Variants in FHIT observed in about 807,000 individuals in gnomAD.
The protein encoded by FHIT is bis(5'-adenosyl)-triphosphatase.
In FHIT, 19 loss-of-function variants were observed where a neutral mutation model predicts 17.9. The ratio of observed to expected loss-of-function variants is 1.06; its 90% CI spans 0.74 to 1.56. The LOEUF (loss-of-function observed/expected upper bound fraction) is 1.56. Among genes scored for constraint, FHIT ranks in the 40% most tolerant of loss-of-function variants. The probability of loss-of-function intolerance (pLI) is 0.00; values close to 1 mark genes in which losing one functional copy is unlikely to be tolerated. For missense variants in FHIT, 248 were observed against 189.2 expected (o/e 1.31, Z -1.82); for synonymous variants, 81 against 69.7 (o/e 1.16, Z -0.81).
At chr3:60,336,316 G>A (rs1395366325) in intron 5 of FHIT, among the ~76,000 whole-genome samples, 4 of 152,166 alleles carry the variant, frequency 2.6e-5, no homozygotes, top group Non-Finnish European at 5.9e-5. Flanking sequence ...CTGACCAAAA[G>A]GAAGTCTCAG....
At chr3:60,964,522 T>C (rs182492740) in intron 3 of FHIT, among the ~76,000 whole-genome samples, 112 of 152,342 alleles carry the variant, frequency 7.4e-4, no homozygotes, top group Middle Eastern at 3.4e-3. Flanking sequence ...AGTTTCTTCC[T>C]AGCATCAATG....
intron 2 of FHIT, among the ~76,000 whole-genome samples, chr3:61,061,589 T>A (rs2034431311): frequency 6.6e-6 from 1 of 152,092 alleles, no homozygotes; most frequent in African/African-American, 2.4e-5. Flanking sequence ...AATTCTATTT[T>A]TAAGTCTATG....
At chr3:60,326,393 C>T (rs1366361423) in intron 5 of FHIT, among the ~76,000 whole-genome samples, 2 of 152,144 alleles carry the variant, frequency 1.3e-5, no homozygotes, top group African/African-American at 2.4e-5. Flanking sequence ...CAACCTAGAT[C>T]CCTCCCATGT....
chr3:61,239,761 C>CATA (rs1491311135), intron 1 of FHIT, among the ~76,000 whole-genome samples: 1 of 63,166 alleles, frequency 1.6e-5, no homozygotes, highest in Admixed American at 2.1e-4. Flanking sequence ...AAACAACTGG[C>CATA]CATATATATA....
chr3:60,400,819 A>AT (rs1265577143), intron 5 of FHIT, among the ~76,000 whole-genome samples: 1 of 152,160 alleles, frequency 6.6e-6, no homozygotes, highest in African/African-American at 2.4e-5. Flanking sequence ...CAGTGAGAGG[A>AT]TTTTGTTAGT....
At chr3:60,171,330 T>C (rs965545734) in intron 5 of FHIT, among the ~76,000 whole-genome samples, 9 of 152,298 alleles carry the variant, frequency 5.9e-5, no homozygotes, top group Non-Finnish European at 8.8e-5. Context: ...TTCAGACAAC[T>C]ACATATTGAG....
intron 8 of FHIT, among the ~76,000 whole-genome samples, chr3:59,884,224 T>C (rs1369031009): frequency 1.3e-5 from 2 of 152,352 alleles, no homozygotes; most frequent in Non-Finnish European, 2.9e-5. Context: ...AAATTGGCTA[T>C]ATAGAATCTA....
At chr3:59,790,500 CTCTCTT>C (rs928236893) in intron 8 of FHIT, among the ~76,000 whole-genome samples, 3 of 142,796 alleles carry the variant, frequency 2.1e-5, no homozygotes, top group East Asian at 2.0e-4. Context: ...TTCTCTCTCT[CTCTCTT>C]TCTCTCTCTC....
chr3:60,204,935 AAAC>A (rs1703101833), intron 5 of FHIT, among the ~76,000 whole-genome samples: 1 of 152,114 alleles, frequency 6.6e-6, no homozygotes, highest in Non-Finnish European at 1.5e-5. Flanking sequence ...CTACCAAAAA[AAAC>A]AAAAAAATCT....
intron 5 of FHIT, among the ~76,000 whole-genome samples, chr3:60,202,522 A>G (rs1702962389): frequency 6.6e-6 from 1 of 152,184 alleles, no homozygotes; most frequent in African/African-American, 2.4e-5. Context: ...GTTGTACATG[A>G]GACATTATTG....
intron 5 of FHIT, among the ~76,000 whole-genome samples, chr3:60,174,237 G>A (rs1022045221): frequency 1.1e-4 from 16 of 151,500 alleles, no homozygotes; most frequent in African/African-American, 3.9e-4. Context: ...AGACTGAAGT[G>A]CTTTTTAAAA....
intron 3 of FHIT, among the ~76,000 whole-genome samples, chr3:60,823,016 C>A (rs1553739827): frequency 6.6e-6 from 1 of 152,152 alleles, no homozygotes; most frequent in Non-Finnish European, 1.5e-5. Flanking sequence ...TAATCTTGGT[C>A]TACATCATGT....
chr3:61,147,777 G>C (rs914085153), intron 2 of FHIT, among the ~76,000 whole-genome samples: 1 of 151,944 alleles, frequency 6.6e-6, no homozygotes, highest in African/African-American at 2.4e-5. Flanking sequence ...TAAAGATTTA[G>C]GGAGAATCAT....
chr3:60,513,811 C>T (rs891951551), intron 5 of FHIT, among the ~76,000 whole-genome samples: 1 of 152,130 alleles, frequency 6.6e-6, no homozygotes, highest in Non-Finnish European at 1.5e-5. Flanking sequence ...CCAGATGTTG[C>T]CTTTTCCAAA....
chr3:59,905,419 AC>A (rs1419521849), intron 8 of FHIT, among the ~76,000 whole-genome samples: 1 of 152,172 alleles, frequency 6.6e-6, no homozygotes, highest in Non-Finnish European at 1.5e-5. Context: ...AAGGGCATGC[AC>A]TCTGTTATCA....
At chr3:60,010,197 C>T (rs1280239542) in intron 7 of FHIT, among the ~76,000 whole-genome samples, 1 of 152,182 alleles carries the variant, frequency 6.6e-6, no homozygotes, top group Non-Finnish European at 1.5e-5. Context: ...CAAAAAGAAG[C>T]CACAGGTATT....
chr3:60,025,524 CACAAG>C (rs141973085), intron 5 of FHIT, among the ~76,000 whole-genome samples: 14,972 of 152,088 alleles, frequency 0.098, 1,072 homozygotes, highest in East Asian at 0.26. Flanking sequence ...TGCCATAATT[CACAAG>C]CATGAAGCCT....
At chr3:60,777,460 T>C (rs529806231) in intron 4 of FHIT, among the ~76,000 whole-genome samples, 7 of 152,340 alleles carry the variant, frequency 4.6e-5, no homozygotes, top group South Asian at 4.1e-4. Context: ...AGATAAAGGA[T>C]TGTGGAGACC....
At chr3:60,032,452 GA>G (rs66997198) in intron 5 of FHIT, among the ~76,000 whole-genome samples, 4 of 151,302 alleles carry the variant, frequency 2.6e-5, no homozygotes, top group Non-Finnish European at 5.9e-5. Context: ...ACCGTACCTT[GA>G]AAAAAATAAT....
Sources: gnomAD v4.1 joint callset for allele counts (sites outside exome capture counted in the v4.1 genomes callset) on GRCh38, gnomAD v4.1.1 for gene constraint, MANE v1.5 for transcripts, NCBI Gene and HGNC (gene_info 2026-07-23, HGNC 2026-07-21) for gene names.